Variants in CHST12 observed in about 807,000 individuals in gnomAD.
The protein encoded by CHST12 is carbohydrate sulfotransferase 12, also known as carbohydrate (chondroitin 4) sulfotransferase 12.
Under a neutral mutation model 27.9 loss-of-function variants are expected in CHST12, and 23 were observed. The observed-to-expected ratio is 0.82, with a 90% CI of 0.59 to 1.17. The LOEUF (loss-of-function observed/expected upper bound fraction) is 1.17. Ranked by LOEUF, CHST12 falls within the 50% of genes most tolerant of loss-of-function variation. The probability of loss-of-function intolerance (pLI) is 0.00; values close to 1 mark genes in which losing one functional copy is unlikely to be tolerated. For missense variants in CHST12, 682 were observed against 603.0 expected, an observed-to-expected ratio of 1.13 and a Z score of -1.37; for synonymous variants, 322 against 273.0, an observed-to-expected ratio of 1.18 and a Z score of -1.77.
At chr7:2,419,805 C>G (rs1385719648) in intron 1 of CHST12, among the ~76,000 whole-genome samples, 1 of 151,968 alleles carries the variant, frequency 6.6e-6, no homozygotes, top group African/African-American at 2.4e-5. Context: ...TCACCACCCT[C>G]CAGCCCCAGA....
At position 2,410,103 on chromosome 7, in the gene CHST12, T is replaced by C. The variant is rs1185956664; in HGVS notation, c.-78+6430T>C. On this transcript the variant is annotated intron_variant, in intron 1 of 1. Transcript: ENST00000618655. ...GGCCGAGCGCTTTCTTTCGTCGTTTTCCAAGGGGGTTTTAAAACATACCGA... is the reference window on the plus strand; with the variant it reads ...GGCCGAGCGCTTTCTTTCGTCGTTTCCCAAGGGGGTTTTAAAACATACCGA... Among the ~76,000 whole-genome samples, 3 of 152,152 alleles carry C rather than the reference T, an allele frequency of 2.0e-5. 1 individual carries two copies. Among genetic ancestry groups the C allele is most frequent in the Admixed American group, 6.5e-5 (1 of 15,272 alleles).
intron 1 of CHST12, among the ~76,000 whole-genome samples, chr7:2,412,811 T>G (rs1562510090): frequency 6.6e-6 from 1 of 152,186 alleles, no homozygotes; most frequent in Non-Finnish European, 1.5e-5. Context: ...TTAAACAAAG[T>G]AATATGTGCA....
At chr7:2,419,783 A>C (rs115340862) in intron 1 of CHST12, among the ~76,000 whole-genome samples, 1 of 150,900 alleles carries the variant, frequency 6.6e-6, no homozygotes, top group Non-Finnish European at 1.5e-5. Context: ...CGTTCACATC[A>C]CTCTGCAGCA....
chr7:2,406,611 T>G (rs1583204875), intron 1 of CHST12, among the ~76,000 whole-genome samples: 1 of 152,034 alleles, frequency 6.6e-6, no homozygotes, highest in South Asian at 2.1e-4. Context: ...CAGCTGGGGC[T>G]TTTCCCTGTA....
At chr7:2,425,203 C>CAAA (rs144902925) in intron 1 of CHST12, among the ~76,000 whole-genome samples, 1 of 72,000 alleles carries the variant, frequency 1.4e-5, no homozygotes, top group African/African-American at 4.3e-5. Flanking sequence ...GACTCCGTCT[C>CAAA]AAAAAAAAAA....
chr7:2,431,917 G>A (rs967169504), intron 1 of CHST12, among the ~76,000 whole-genome samples: 4 of 152,028 alleles, frequency 2.6e-5, no homozygotes, highest in Non-Finnish European at 4.4e-5. Flanking sequence ...AAATGCAGGC[G>A]TCCCTGAGAC....
intron 1 of CHST12, among the ~76,000 whole-genome samples, chr7:2,418,538 G>A (rs189553008): frequency 6.6e-6 from 1 of 152,342 alleles, no homozygotes; most frequent in East Asian, 1.9e-4. Flanking sequence ...GAAACACTGG[G>A]AGATTTGCAT....
Position 2,433,297 on chromosome 7 carries a change from T to C in CHST12, c.658T>C (p.Trp220Arg). 6.2e-7 allele frequency: 1 copy of C among 1,612,428 alleles called. No homozygotes were observed. The highest frequency in any genetic ancestry group is 8.5e-7 in the Non-Finnish European group (1 of 1,179,206). ...CGCGCACCTGACCTTCAACAAGTTC[T>C]GGCGCCGCTACGGGAAGCTCTCCCG... ...ASAHLTFNKF[W>R]RRYGKLSRHL... is the part of the protein sequence containing the mutation. The change falls in exon 2 of 2, where the codon TGG (tryptophan) becomes CGG (arginine). Residue 220 changes from tryptophan to arginine, a missense_variant. Trp to Arg is a moderately radical substitution (Grantham distance 101). Transcript: ENST00000618655. This position sits in a 1 kb window ranked among gnomAD's most constrained non-coding sequence, Gnocchi z 6.1.
rs771140571 is a variant in CHST12 at position 2,433,678 on chromosome 7, G to T, written c.1039G>T (p.Glu347Ter). ...DFVGKLETLDEDAAQLLQLLQ... is the reference protein window; with the variant it reads ...DFVGKLETLD ...CGTGGGGAAGCTGGAGACTCTGGACGAGGACGCCGCGCAGCTGCTGCAGCT... is the reference window on the plus strand; with the variant it reads ...CGTGGGGAAGCTGGAGACTCTGGACTAGGACGCCGCGCAGCTGCTGCAGCT... Residue 347 changes from glutamate (E) to a stop codon, truncating the protein, a stop_gained, in exon 2 of 2, where the codon GAG (glutamate) becomes TAG (stop). Coordinates refer to ENST00000618655, the MANE Select transcript of CHST12 (RefSeq NM_018641.5). LOFTEE classifies it high-confidence loss of function. The surrounding 1 kb of genome is among the most constrained non-coding windows in gnomAD (Gnocchi z 6.1). 6.2e-7 allele frequency: 1 copy of T among 1,613,470 alleles called. No homozygotes were observed. The highest frequency in any genetic ancestry group is 2.2e-5 in the East Asian group (1 of 44,862).
intron 1 of CHST12, among the ~76,000 whole-genome samples, chr7:2,418,714 G>C (rs1029169370): frequency 3.3e-5 from 5 of 152,320 alleles, no homozygotes; most frequent in African/African-American, 1.2e-4. Flanking sequence ...GGTAGCAAAA[G>C]TCACGTGGGC....
chr7:2,409,264 A>G (rs1263677135), intron 1 of CHST12, among the ~76,000 whole-genome samples: 1 of 152,150 alleles, frequency 6.6e-6, no homozygotes, highest in East Asian at 1.9e-4. Flanking sequence ...CTAATGCCCC[A>G]AGCTGAACAA....
In CHST12 at chr7:2,442,720, A is replaced by G. The variant is rs117257155; in HGVS notation, c.*8836A>G. On this transcript the variant is annotated 3_prime_UTR_variant, in exon 2 of 2. Coordinates refer to ENST00000618655, the MANE Select transcript of CHST12 (RefSeq NM_018641.5). ...TCCCCAACCCCCTGGTGATGGACCA[A>G]TACTGGCCTGCGGCCCCTTAGGAAC... 0.11 allele frequency: 16,841 copies of G among 152,354 alleles called. 1,310 individuals carry two copies. The highest frequency in any genetic ancestry group is 0.15 in the Non-Finnish European group (10,211 of 68,130). 9.4% of individuals were successfully genotyped at this position (152,354 alleles called of 1,614,324 possible).
intron 1 of CHST12, among the ~76,000 whole-genome samples, chr7:2,427,777 C>G (rs1445315938): frequency 1.3e-5 from 2 of 152,084 alleles, no homozygotes; most frequent in African/African-American, 4.8e-5. Context: ...GAACATTGAG[C>G]CGTTCTTGCA....
chr7:2,419,270 G>A (rs796692757), intron 1 of CHST12, among the ~76,000 whole-genome samples: 12 of 151,236 alleles, frequency 7.9e-5, no homozygotes, highest in East Asian at 3.9e-4. Context: ...TTAGCCAGGC[G>A]TGGTGGTGCA....
chr7:2,404,844 C>T (rs1781481863), intron 1 of CHST12, among the ~76,000 whole-genome samples: 1 of 152,240 alleles, frequency 6.6e-6, no homozygotes, highest in Non-Finnish European at 1.5e-5. Flanking sequence ...CAGCTGACTC[C>T]AGCTTTATTA....
intron 1 of CHST12, among the ~76,000 whole-genome samples, chr7:2,422,691 A>G (rs1447615673): frequency 2.0e-5 from 3 of 151,358 alleles, no homozygotes; most frequent in Non-Finnish European, 4.4e-5. Flanking sequence ...ACACACCACC[A>G]CACCCAGCTA....
rs1782577296 is a variant in CHST12, at chr7:2,440,552, T to C, written c.*6668T>C. The C allele has an allele frequency of 6.6e-6, 1 of 152,184 alleles. No homozygotes were observed. The highest frequency in any genetic ancestry group is 6.6e-5 in the Admixed American group (1 of 15,264). 9.4% of individuals were successfully genotyped at this position (152,184 alleles called of 1,614,324 possible). ...GGGCACCCCAGATGAGGCTCGGTTG[T>C]GAGTAGGAGCGGGGTGGGCCACCGA... is the stretch of plus-strand genomic sequence containing the variant. On this transcript the variant is annotated 3_prime_UTR_variant, in exon 2 of 2. Transcript: ENST00000618655.
At chr7:2,414,574 C>T (rs367758367) in intron 1 of CHST12, among the ~76,000 whole-genome samples, 5 of 152,276 alleles carry the variant, frequency 3.3e-5, no homozygotes, top group East Asian at 1.9e-4. Flanking sequence ...TGTGAGCCAC[C>T]GTGCCCAGCC....
In CHST12 at chr7:2,411,657, T is replaced by C. The variant is rs182950241; in HGVS notation, c.-78+7984T>C. ...GGTGCCAGCCACCACACCCAGCTAC[T>C]TTTTGTATTTAGTAGAGACAGGGTT... On this transcript the variant is annotated intron_variant, in intron 1 of 1. Transcript: ENST00000618655. 2.6e-4 allele frequency among the ~76,000 whole-genome samples: 39 copies of C among 152,232 alleles called. No individual in the cohort carries two copies. In the East Asian group the frequency reaches 6.6e-3, roughly 26 times the overall value.
Sources: gnomAD v4.1 joint callset for allele counts (sites outside exome capture counted in the v4.1 genomes callset) on GRCh38, gnomAD v4.1.1 for gene constraint, Gnocchi (gnomAD v3.1) non-coding constraint, MANE v1.5 for transcripts, NCBI Gene and HGNC (gene_info 2026-07-23, HGNC 2026-07-21) for gene names.